CCDC102A: variants seen among roughly 807,000 people sequenced by gnomAD.
CCDC102A encodes the protein coiled-coil domain-containing protein 102A.
A neutral mutation model predicts 55.5 loss-of-function variants in CCDC102A; 40 were observed. That is an observed-to-expected ratio of 0.72 (90% confidence interval 0.56 to 0.94). The LOEUF (loss-of-function observed/expected upper bound fraction) is 0.94, where lower values mean the gene tolerates loss of function less well. CCDC102A is among the 40% of genes least tolerant of loss of function. CCDC102A has a pLI of 0.00. For synonymous variants in CCDC102A, 323 were observed against 339.0 expected (o/e 0.95, Z 0.52); for missense variants, 779 against 768.6 (o/e 1.01, Z -0.16).
At position 57,536,556 on chromosome 16, in the gene CCDC102A, G is replaced by A. The variant is rs2032395391; in HGVS notation, c.-204C>T. On this transcript the variant is annotated 5_prime_UTR_variant, in exon 1 of 9. Transcript: ENST00000258214. ...CCAGCCGCTGCGGCGGGGTAGAGCG[G>A]GCACCGTGCAGCTGCGACCGCCGCC... is the stretch of plus-strand genomic sequence containing the variant. 6.6e-6 allele frequency: 1 copy of A among 152,126 alleles called. No individual in the cohort carries two copies. Among genetic ancestry groups the A allele is most frequent in the South Asian group, 2.1e-4 (1 of 4,830 alleles). 9.4% of individuals were successfully genotyped at this position (152,126 alleles called of 1,614,324 possible).
At chr16:57,533,730 TCA>T (rs1294667040) in intron 1 of CCDC102A, among the ~76,000 whole-genome samples, 13 of 151,006 alleles carry the variant, frequency 8.6e-5, no homozygotes, top group South Asian at 4.2e-4. Flanking sequence ...ATGCACAGAC[TCA>T]CACGCAGCCC....
intron 3 of CCDC102A, among the ~76,000 whole-genome samples, chr16:57,523,431 C>G (rs904799427): frequency 2.0e-5 from 3 of 152,020 alleles, no homozygotes; most frequent in Non-Finnish European, 4.4e-5. Context: ...TCCGCAAAAG[C>G]ATCACCCTGA....
intron 8 of CCDC102A, 42 bp downstream of exon 8, chr16:57,515,283 CGGAGGGTTCCCTGGCT>C: frequency 8.9e-7 from 1 of 1,121,024 alleles, no homozygotes; most frequent in Non-Finnish European, 1.3e-6. Context: ...CGTCCCTGAC[CGGAGGGTTCCCTGGCT>C]GGAAGTCTCT....
chr16:57,515,386 T>TC lies in CCDC102A; in HGVS notation c.1477dup (p.Glu493GlyfsTer46). The TC allele has an allele frequency of 6.2e-7, 1 of 1,609,662 alleles. No individual in the cohort carries two copies. The highest frequency in any genetic ancestry group is 8.5e-7 in the Non-Finnish European group (1 of 1,179,022). On this transcript the variant is annotated frameshift_variant, in exon 8 of 9. Transcript: ENST00000258214. LOFTEE classifies it high-confidence loss of function. ...TTGCACTTGCAGGTTCTCGCTCTGC[T>TC]CCGTCTGCTCGTCCAGCGACCGCTG...
rs2032218485 is a variant in CCDC102A, at chr16:57,529,687, A to G, written c.-147-363T>C. Among the ~76,000 whole-genome samples, 1 of 152,158 alleles carries G rather than the reference A, an allele frequency of 6.6e-6. No homozygotes were observed. Among genetic ancestry groups the G allele is most frequent in the African/African-American group, 2.4e-5 (1 of 41,436 alleles). ...GAGTCCCCTCCCTGCCTTTTCCTGC[A>G]CTGGGCTAACTCTTCTCATATTTAA... On this transcript the variant is annotated intron_variant, in intron 1 of 8. Transcript: ENST00000258214. This position sits in a 1 kb window ranked among gnomAD's most constrained non-coding sequence, Gnocchi z 4.1.
chr16:57,513,737 A>C (rs1341938832), intron 8 of CCDC102A, among the ~76,000 whole-genome samples: 4 of 152,250 alleles, frequency 2.6e-5, no homozygotes, highest in Non-Finnish European at 5.9e-5. Flanking sequence ...GAGCAGGCAG[A>C]GCCAGCCAGG....
intron 1 of CCDC102A, among the ~76,000 whole-genome samples, chr16:57,534,686 A>G (rs2032338548): frequency 6.6e-6 from 1 of 152,128 alleles, no homozygotes; most frequent in South Asian, 2.1e-4. Flanking sequence ...AGAAGGTGGT[A>G]CCACTCTTAG....
At chr16:57,526,222 G>C (rs1467744030) in intron 2 of CCDC102A, 95 bp from the exon 3 acceptor site, 28 of 858,958 alleles carry the variant, frequency 3.3e-5, no homozygotes, top group South Asian at 1.6e-5. Flanking sequence ...AAGTCACACA[G>C]TGTCTCTGGG....
Position 57,529,295 on chromosome 16 carries a change from G to T in CCDC102A, c.-118C>A. On this transcript the variant is annotated 5_prime_UTR_variant, in exon 2 of 9. Coordinates refer to ENST00000258214, the MANE Select transcript of CCDC102A (RefSeq NM_033212.4). The surrounding 1 kb of genome is among the most constrained non-coding windows in gnomAD (Gnocchi z 4.1). ...TGACGCCGTGCCCCGCTTCCCTCTG[G>T]GCCACCGGGCGGAGGACGCCTCCTC... The T allele has an allele frequency of 8.9e-7, 1 of 1,118,662 alleles. No individual in the cohort carries two copies. Among genetic ancestry groups the T allele is most frequent in the Non-Finnish European group, 1.1e-6 (1 of 914,188 alleles). 69.3% of individuals were successfully genotyped at this position (1,118,662 alleles called of 1,614,324 possible). A position where few individuals can be genotyped will look rare whatever the true frequency, so the allele number is the denominator to read the frequency against.
At position 57,512,536 on chromosome 16, in the gene CCDC102A, G is replaced by GTA. The variant is rs1424663615; in HGVS notation, c.*203_*204dup. The GTA allele has an allele frequency of 6.4e-3, 3,646 of 566,644 alleles. 50 individuals carry two copies. The highest frequency in any genetic ancestry group is 0.048 in the African/African-American group (2,531 of 52,502). 35.1% of individuals were successfully genotyped at this position (566,644 alleles called of 1,614,324 possible). On this transcript the variant is annotated 3_prime_UTR_variant, in exon 9 of 9. Coordinates refer to ENST00000258214, the MANE Select transcript of CCDC102A (RefSeq NM_033212.4). ...TGTGCGCGCGCGCGCGCGCGTGTGT[G>GTA]TATATATATATATAAAACATAGGCT...
intron 8 of CCDC102A, 141 bp from the exon 9 acceptor site, chr16:57,513,011 A>T: frequency 1.6e-6 from 1 of 644,860 alleles, no homozygotes; most frequent in South Asian, 2.1e-5. Context: ...CTTATATGAT[A>T]GAAGTGCCAT....
At chr16:57,531,798 T>C (rs1370942077) in intron 1 of CCDC102A, among the ~76,000 whole-genome samples, 1 of 152,180 alleles carries the variant, frequency 6.6e-6, no homozygotes, top group Admixed American at 6.5e-5. Context: ...CCTAGGCCCC[T>C]CCTGTTCTGG....
chr16:57,532,302 C>A (rs1322726182), intron 1 of CCDC102A, among the ~76,000 whole-genome samples: 1 of 152,148 alleles, frequency 6.6e-6, no homozygotes, highest in Non-Finnish European at 1.5e-5. Flanking sequence ...AACATGTACA[C>A]CCCGACCCTG....
intron 8 of CCDC102A, among the ~76,000 whole-genome samples, chr16:57,513,332 A>G (rs1272367954): frequency 2.0e-5 from 3 of 152,202 alleles, no homozygotes; most frequent in African/African-American, 7.2e-5. Context: ...TAAAATTCCT[A>G]AAGTCAAAAT....
Position 57,516,527 on chromosome 16 carries a change from AG to A in CCDC102A, c.1249-65del. The A allele has an allele frequency of 7.0e-7, 1 of 1,435,072 alleles. No individual in the cohort carries two copies. The highest frequency in any genetic ancestry group is 9.6e-7 in the Non-Finnish European group (1 of 1,038,530). 88.9% of individuals were successfully genotyped at this position (1,435,072 alleles called of 1,614,324 possible). ...TCAGTATCAGCTTGGGCGCCATGCC[AG>A]GGAGTCCCACGAGGTCAGGCAGTTC... On this transcript the variant is annotated intron_variant, in intron 6 of 8. Coordinates refer to ENST00000258214, the MANE Select transcript of CCDC102A (RefSeq NM_033212.4). This position sits in a 1 kb window ranked among gnomAD's most constrained non-coding sequence, Gnocchi z 4.4.
rs150464217 is a variant in CCDC102A at position 57,518,085 on chromosome 16, G to A, written c.1231C>T (p.Leu411Phe). ...TGCCCCACCTTGTTCTTCTCGAAGAGCGCGGCCTGGCTGGCCCTCAGGTCG... is the reference window on the plus strand; with the variant it reads ...TGCCCCACCTTGTTCTTCTCGAAGAACGCGGCCTGGCTGGCCCTCAGGTCG... ...DCDLRASQAA[L>F]FEKNKELADL... The change falls in exon 6 of 9, where the codon CTC becomes TTC. Residue 411 changes from leucine (L) to phenylalanine (F), a missense_variant. Coordinates refer to ENST00000258214, the MANE Select transcript of CCDC102A (RefSeq NM_033212.4). 5.9e-5 allele frequency: 94 copies of A among 1,602,534 alleles called. No homozygotes were observed. The highest frequency in any genetic ancestry group is 7.6e-5 in the Non-Finnish European group (90 of 1,177,252).
intron 4 of CCDC102A, among the ~76,000 whole-genome samples, chr16:57,520,598 A>AACATAACAT (rs1450031945): frequency 3.4e-3 from 325 of 96,122 alleles, no homozygotes; most frequent in African/African-American, 0.015. Context: ...TAACATAAAT[A>AACATAACAT]AAATAAAATA....
Position 57,521,049 on chromosome 16 carries a change from T to C in CCDC102A, c.921+19A>G. 1.9e-6 allele frequency: 3 copies of C among 1,552,740 alleles called. No homozygotes were observed. The highest frequency in any genetic ancestry group is 2.2e-5 in the South Asian group (2 of 89,938). ...GATCCTGCCGCCTCCAGGAAGACCCTCTGGTCTCCAAGACTCACCTGCTTG... is the reference window on the plus strand; with the variant it reads ...GATCCTGCCGCCTCCAGGAAGACCCCCTGGTCTCCAAGACTCACCTGCTTG... On this transcript the variant is annotated intron_variant, in intron 4 of 8. Transcript: ENST00000258214.
chr16:57,519,641 C>A (rs376606758), intron 4 of CCDC102A, among the ~76,000 whole-genome samples: 6 of 152,328 alleles, frequency 3.9e-5, no homozygotes, highest in African/African-American at 1.4e-4. Context: ...CAAAAGAGAA[C>A]CTTTATAATT....
Sources: gnomAD v4.1 joint callset for allele counts (sites outside exome capture counted in the v4.1 genomes callset) on GRCh38, gnomAD v4.1.1 for gene constraint, Gnocchi (gnomAD v3.1) non-coding constraint, MANE v1.5 for transcripts, NCBI Gene and HGNC (gene_info 2026-07-23, HGNC 2026-07-21) for gene names.